Variants in RDX observed in about 807,000 individuals in gnomAD.
The protein encoded by RDX is radixin.
RDX carries 32 observed loss-of-function variants against 83.7 expected under a neutral mutation model. That is an observed-to-expected ratio of 0.38 (90% CI 0.29 to 0.51). The LOEUF (loss-of-function observed/expected upper bound fraction) is 0.51. Ranked by LOEUF, RDX falls within the 20% of genes least tolerant of loss-of-function variation. RDX has a pLI of 0.87. For synonymous variants in RDX, 229 were observed against 222.7 expected, an observed-to-expected ratio of 1.03 and a Z score of -0.25; for missense variants, 600 against 689.9, an observed-to-expected ratio of 0.87 and a Z score of 1.46.
chr11:110,204,453 C>A lies in RDX; in HGVS notation c.1749-4775G>T, dbSNP rs1207623723. 4.7e-5 allele frequency among the ~76,000 whole-genome samples: 7 copies of A among 149,882 alleles called. No individual in the cohort carries two copies. The East Asian group carries it at 1.4e-3, about 29-fold the overall frequency. ...ACTTGGTGGAAAGACACTGCATATT[C>A]ATGATTAGGAATGCTTAATATTGTA... On this transcript the variant is annotated intron_variant, in intron 14 of 15. Transcript: ENST00000528498.
At chr11:110,260,228 C>G (rs753439918) in intron 5 of RDX, among the ~76,000 whole-genome samples, 1 of 152,088 alleles carries the variant, frequency 6.6e-6, no homozygotes, top group Non-Finnish European at 1.5e-5. Context: ...TCAGGTGATC[C>G]GCCCACCTCG....
At chr11:110,275,086 T>C (rs919494321) in intron 2 of RDX, among the ~76,000 whole-genome samples, 1 of 152,212 alleles carries the variant, frequency 6.6e-6, no homozygotes, top group Non-Finnish European at 1.5e-5. Flanking sequence ...GATTTATTAA[T>C]ATCTGACAAT....
intron 15 of RDX, among the ~76,000 whole-genome samples, chr11:110,194,303 T>C (rs1454401928): frequency 6.6e-6 from 1 of 152,174 alleles, no homozygotes; most frequent in African/African-American, 2.4e-5. Flanking sequence ...CACAGTAACC[T>C]CCGCCTTCCG....
chr11:110,184,999 C>T (rs1862959207), intron 15 of RDX: 1 of 152,152 alleles, frequency 6.6e-6, no homozygotes, highest in South Asian at 2.1e-4. Flanking sequence ...TGGCATTCAT[C>T]ACACGGTTCC....
At chr11:110,216,718 A>G (rs1214434984) in intron 14 of RDX, among the ~76,000 whole-genome samples, 1 of 151,328 alleles carries the variant, frequency 6.6e-6, no homozygotes, top group African/African-American at 2.4e-5. Context: ...AGATCTTGCT[A>G]TGTTGCCCAG....
intron 1 of RDX, among the ~76,000 whole-genome samples, chr11:110,281,471 C>T (rs979847158): frequency 5.3e-5 from 8 of 151,986 alleles, no homozygotes; most frequent in African/African-American, 1.9e-4. Context: ...GAATTACAAG[C>T]GTCCACCACC....
intron 3 of RDX, among the ~76,000 whole-genome samples, chr11:110,266,091 G>A (rs1046228777): frequency 6.6e-5 from 10 of 151,964 alleles, no homozygotes; most frequent in South Asian, 2.1e-4. Flanking sequence ...TTGGGAGGCC[G>A]AGGCGGGCGG....
intron 5 of RDX, among the ~76,000 whole-genome samples, chr11:110,259,438 T>C (rs1210419370): frequency 6.6e-6 from 1 of 152,226 alleles, no homozygotes; most frequent in Non-Finnish European, 1.5e-5. Context: ...TGTTTTACTA[T>C]ATAAAAAATC....
At chr11:110,221,551 G>A (rs1241694935) in intron 14 of RDX, among the ~76,000 whole-genome samples, 2 of 150,994 alleles carry the variant, frequency 1.3e-5, no homozygotes, top group Non-Finnish European at 2.9e-5. Flanking sequence ...TGAGCCAAGA[G>A]TGCACCACTG....
intron 3 of RDX, among the ~76,000 whole-genome samples, chr11:110,266,964 T>C (rs1860076208): frequency 6.6e-6 from 1 of 152,002 alleles, no homozygotes; most frequent in Admixed American, 6.6e-5. Context: ...AGTGGTGCAA[T>C]CTCAGTTCAC....
chr11:110,199,276 C>G (rs1591505558), intron 15 of RDX, among the ~76,000 whole-genome samples: 1 of 152,092 alleles, frequency 6.6e-6, no homozygotes, highest in Non-Finnish European at 1.5e-5. Flanking sequence ...ACCAAGATTA[C>G]AGGTAAAACA....
At chr11:110,263,295 A>G (rs1859875883) in intron 5 of RDX, 1 of 151,798 alleles carries the variant, frequency 6.6e-6, no homozygotes, top group South Asian at 2.1e-4. Context: ...GGAAAAAGTC[A>G]GAGAATTCTA....
rs577063494 is a variant in RDX at position 110,204,794 on chromosome 11, C to A, written c.1749-5116G>T. The stretch of plus-strand genomic sequence containing the variant: ...CCTCCCAAAGTGCTGGGATTACAGG[C>A]GTGAGCTACCGTGCCCGGCCGTACA... On this transcript the variant is annotated intron_variant, in intron 14 of 15. Transcript: ENST00000528498. Among the ~76,000 whole-genome samples, 32 of 152,206 alleles carry A rather than the reference C, an allele frequency of 2.1e-4. 1 individual carries two copies. The highest frequency in any genetic ancestry group is 1.6e-3 in the Admixed American group (24 of 15,276).
rs769094330 is a variant in RDX at position 110,236,053 on chromosome 11, G to C, written c.1344+46C>G. On this transcript the variant is annotated intron_variant, in intron 12 of 13. Transcript: ENST00000645495. The stretch of plus-strand genomic sequence containing the variant: ...CACTACAAAGTCAGCATAATCCTGG[G>C]TATAAAAGCTATTCAATAAAAGCTA... The C allele has an allele frequency of 4.6e-6, 6 of 1,306,160 alleles. No homozygotes were observed. In the African/African-American group the frequency reaches 8.7e-5, roughly 19 times the overall value. 80.9% of individuals were successfully genotyped at this position (1,306,160 alleles called of 1,614,324 possible).
intron 9 of RDX, among the ~76,000 whole-genome samples, chr11:110,248,587 T>C (rs1859207788): frequency 6.6e-6 from 1 of 152,226 alleles, no homozygotes; most frequent in Admixed American, 6.5e-5. Context: ...AACATGCTTA[T>C]AAGGCACACT....
chr11:110,235,768 C>T (rs1464130826), intron 12 of RDX, among the ~76,000 whole-genome samples: 1 of 152,228 alleles, frequency 6.6e-6, no homozygotes, highest in Non-Finnish European at 1.5e-5. Flanking sequence ...TCAGTTCCCT[C>T]TGTCTAGAAT....
At chr11:110,280,262 A>C (rs1273261312) in intron 1 of RDX, among the ~76,000 whole-genome samples, 1 of 151,636 alleles carries the variant, frequency 6.6e-6, no homozygotes, top group East Asian at 1.9e-4. Context: ...TTATTTTTTT[A>C]AAGATGGGTC....
intron 10 of RDX, among the ~76,000 whole-genome samples, chr11:110,241,437 C>T (rs1301936859): frequency 6.6e-6 from 1 of 152,136 alleles, no homozygotes; most frequent in African/African-American, 2.4e-5. Flanking sequence ...GCTGGGATTA[C>T]AGACGTGTGT....
At position 110,222,890 on chromosome 11, in the gene RDX, T is replaced by C. The variant is rs1864300057; in HGVS notation, c.1748+8983A>G. 2.6e-5 allele frequency among the ~76,000 whole-genome samples: 4 copies of C among 152,174 alleles called. 1 individual carries two copies. Among genetic ancestry groups the C allele is most frequent in the Admixed American group, 2.6e-4 (4 of 15,276 alleles). Reference sequence around the variant, plus strand: ...ACTACTTTTAAAAGATGTTAATATTTCTTGAAAAATGACAAGCAGTTTAAC... The same window carrying C: ...ACTACTTTTAAAAGATGTTAATATTCCTTGAAAAATGACAAGCAGTTTAAC... On this transcript the variant is annotated intron_variant, in intron 14 of 15. Coordinates refer to the RDX transcript ENST00000528498.
Sources: allele counts gnomAD v4.1 joint callset (sites outside exome capture counted in the v4.1 genomes callset), GRCh38; gene constraint gnomAD v4.1.1; transcripts MANE v1.5; gene names NCBI Gene and HGNC (gene_info 2026-07-23, HGNC 2026-07-21).